PRUNE2: variants seen among roughly 807,000 people sequenced by gnomAD.
PRUNE2 encodes prune homolog 2 with BCH domain.
In PRUNE2, 164 loss-of-function variants were observed where a neutral mutation model predicts 252.0. That is an observed-to-expected ratio of 0.65 (90% CI 0.57 to 0.74). PRUNE2 has a LOEUF of 0.74. PRUNE2 is among the 30% of genes least tolerant of loss of function. PRUNE2 has a pLI of 0.00. For missense variants in PRUNE2, 3,495 were observed against 3,711.0 expected, an observed-to-expected ratio of 0.94 and a Z score of 1.51; for synonymous variants, 1,292 against 1,350.2, an observed-to-expected ratio of 0.96 and a Z score of 0.94.
At chr9:76,790,466 G>A (rs1457466500) in intron 6 of PRUNE2, among the ~76,000 whole-genome samples, 2 of 152,154 alleles carry the variant, frequency 1.3e-5, no homozygotes, top group Non-Finnish European at 1.5e-5. Flanking sequence ...AATCTAAGAA[G>A]CAGGCCACAA....
At chr9:76,669,539 T>C (rs560763) in intron 9 of PRUNE2, among the ~76,000 whole-genome samples, 150,292 of 152,236 alleles carry the variant, frequency 0.99, 74,228 homozygotes, top group Middle Eastern at 1. Flanking sequence ...AGGCTAGTCT[T>C]GAACTCCTGA....
At chr9:76,840,116 A>G (rs1226549143) in intron 4 of PRUNE2, among the ~76,000 whole-genome samples, 1 of 152,170 alleles carries the variant, frequency 6.6e-6, no homozygotes, top group African/African-American at 2.4e-5. Context: ...TGTGTATAAT[A>G]TTTAAAGTCT....
rs541173185 is a variant in PRUNE2 at position 76,614,125 on chromosome 9, C to G, written c.*445G>C. ...AGGCTTAGGATTTTAAAGGTGGAGTCAAACAGGGGAAACTTTCCTGGGGAG... is the reference window on the plus strand; with the variant it reads ...AGGCTTAGGATTTTAAAGGTGGAGTGAAACAGGGGAAACTTTCCTGGGGAG... On this transcript the variant is annotated 3_prime_UTR_variant, in exon 19 of 19. Transcript: ENST00000376718. 9 of 159,238 alleles carry G rather than the reference C, an allele frequency of 5.7e-5. No individual in the cohort carries two copies. In the South Asian group the frequency reaches 1.5e-3, roughly 26 times the overall value. The allele number at this position is 159,238 out of a possible 1,614,324, so 9.9% of individuals were successfully genotyped here. A position where few individuals can be genotyped will look rare whatever the true frequency, so the allele number is the denominator to read the frequency against.
At chr9:76,888,061 A>G (rs2062211916) in intron 1 of PRUNE2, among the ~76,000 whole-genome samples, 1 of 152,222 alleles carries the variant, frequency 6.6e-6, no homozygotes, top group Non-Finnish European at 1.5e-5. Flanking sequence ...GAAATGAAGC[A>G]TGAACCAAAA....
intron 12 of PRUNE2, among the ~76,000 whole-genome samples, chr9:76,639,234 G>A (rs929227203): frequency 3.3e-5 from 5 of 152,176 alleles, no homozygotes; most frequent in Non-Finnish European, 7.4e-5. Flanking sequence ...ACTCATGCCT[G>A]TAATCCCAGC....
At chr9:76,679,204 G>A (rs1364727544) in intron 9 of PRUNE2, among the ~76,000 whole-genome samples, 1 of 152,192 alleles carries the variant, frequency 6.6e-6, no homozygotes, top group Non-Finnish European at 1.5e-5. Flanking sequence ...AGGGAACACT[G>A]CCTTGCCAAT....
chr9:76,735,102 G>A (rs1313679971), intron 6 of PRUNE2, among the ~76,000 whole-genome samples: 1 of 152,070 alleles, frequency 6.6e-6, no homozygotes, highest in African/African-American at 2.4e-5. Flanking sequence ...GGGAAGGGGT[G>A]GAAAAAAGGC....
chr9:76,839,840 G>T (rs1342653714), intron 4 of PRUNE2, among the ~76,000 whole-genome samples: 1 of 152,178 alleles, frequency 6.6e-6, no homozygotes. Context: ...AGGGTCAGCA[G>T]GACTGCTGAT....
chr9:76,795,455 T>C (rs563010887), intron 6 of PRUNE2, among the ~76,000 whole-genome samples: 4 of 152,310 alleles, frequency 2.6e-5, no homozygotes, highest in South Asian at 4.1e-4. Flanking sequence ...GCAGACCCCA[T>C]TGGATCTTGA....
chr9:76,636,972 A>AGTGTGTGTGTGT (rs367745600), intron 14 of PRUNE2, among the ~76,000 whole-genome samples: 2,174 of 131,512 alleles, frequency 0.017, 33 homozygotes, highest in South Asian at 0.019. Flanking sequence ...CAACAACAAA[A>AGTGTGTGTGTGT]ATGTGTGTGT....
At chr9:76,679,071 CAACCT>C (rs1169651773) in intron 9 of PRUNE2, among the ~76,000 whole-genome samples, 1 of 152,118 alleles carries the variant, frequency 6.6e-6, no homozygotes, top group Non-Finnish European at 1.5e-5. Context: ...TTAAAATGTG[CAACCT>C]TATACGAGTT....
chr9:76,718,664 T>C (rs1223772313), intron 6 of PRUNE2, among the ~76,000 whole-genome samples: 1 of 152,112 alleles, frequency 6.6e-6, no homozygotes, highest in African/African-American at 2.4e-5. Context: ...TTGTTTCCTG[T>C]CCCCTTTCTC....
chr9:76,632,876 G>T (rs1838310607), intron 15 of PRUNE2, among the ~76,000 whole-genome samples: 1 of 152,158 alleles, frequency 6.6e-6, no homozygotes, highest in Non-Finnish European at 1.5e-5. Context: ...CCTGAGTGAA[G>T]GATGATTTCT....
At chr9:76,815,608 T>C (rs942546936) in intron 6 of PRUNE2, among the ~76,000 whole-genome samples, 6 of 152,208 alleles carry the variant, frequency 3.9e-5, no homozygotes, top group African/African-American at 1.4e-4. Context: ...AATTTCAACA[T>C]ATACATTTTG....
intron 4 of PRUNE2, among the ~76,000 whole-genome samples, chr9:76,845,827 G>A (rs2059641400): frequency 6.6e-6 from 1 of 152,310 alleles, no homozygotes; most frequent in African/African-American, 2.4e-5. Context: ...TCCTCTGTAA[G>A]TCAATAATGG....
chr9:76,720,184 T>G (rs2047510765), intron 6 of PRUNE2, among the ~76,000 whole-genome samples: 1 of 152,224 alleles, frequency 6.6e-6, no homozygotes, highest in East Asian at 1.9e-4. Flanking sequence ...CAGTGTTAAC[T>G]GGAAGATAAT....
Position 76,854,096 on chromosome 9 carries a change from T to TC in PRUNE2, c.141+7dup, listed in dbSNP as rs774048477. On this transcript the variant is annotated splice_region_variant and intron_variant, in intron 2 of 18. Transcript: ENST00000376718. ...AAATATAAGGAGTATTACCCTTTTT[T>TC]CCCTCACCTTGTCTAGAAAGTAAGC... The TC allele has an allele frequency of 7.6e-6, 11 of 1,456,918 alleles. No homozygotes were observed. Among genetic ancestry groups the TC allele is most frequent in the Non-Finnish European group, 9.6e-6 (10 of 1,046,132 alleles). The allele number at this position is 1,456,918 out of a possible 1,614,324, so 90.2% of individuals were successfully genotyped here. A position where few individuals can be genotyped will look rare whatever the true frequency, so the allele number is the denominator to read the frequency against.
intron 1 of PRUNE2, among the ~76,000 whole-genome samples, chr9:76,895,427 C>T (rs906587452): frequency 6.6e-6 from 1 of 152,148 alleles, no homozygotes; most frequent in African/African-American, 2.4e-5. Context: ...TAAACCATGA[C>T]GTTTCACATA....
Position 76,699,534 on chromosome 9 carries a change from A to G in PRUNE2, c.8276+3803T>C, listed in dbSNP as rs182063793. 3.5e-3 allele frequency among the ~76,000 whole-genome samples: 537 copies of G among 152,334 alleles called. 4 individuals are homozygous for G. Among genetic ancestry groups the G allele is most frequent in the African/African-American group, 0.012 (498 of 41,572 alleles). On this transcript the variant is annotated intron_variant, in intron 9 of 18. Transcript: ENST00000376718. ...TGAAGAAGAAGGAATTCTCCTGAAG[A>G]CTGCAGCCCAGAAACCTGCCTGCAT...
Sources: allele counts gnomAD v4.1 joint callset (sites outside exome capture counted in the v4.1 genomes callset), GRCh38; gene constraint gnomAD v4.1.1; transcripts MANE v1.5; gene names NCBI Gene and HGNC (gene_info 2026-07-23, HGNC 2026-07-21).